The following SLC35D4 variants were observed in gnomAD, a reference collection of about 807,000 sequenced individuals.
SLC35D4 encodes UDP-N-acetylglucosamine transporter SLC35D4.
chr18:23,292,255 C>T, the SLC35D4 span, among the ~76,000 whole-genome samples: 1 of 152,228 alleles, frequency 6.6e-6, no homozygotes, highest in African/African-American at 2.4e-5. Context: ...AATCTTCGAG[C>T]TCCTCACCTA....
At chr18:23,416,042 C>T in the SLC35D4 span, among the ~76,000 whole-genome samples, 1 of 152,068 alleles carries the variant, frequency 6.6e-6, no homozygotes, top group Non-Finnish European at 1.5e-5. Context: ...ACCATATCTC[C>T]ACTAAAAATA....
the SLC35D4 span, among the ~76,000 whole-genome samples, chr18:23,275,605 T>C: frequency 6.0e-5 from 5 of 83,512 alleles, no homozygotes; most frequent in African/African-American, 1.4e-4. Context: ...TGCTGTGCTG[T>C]GCTGTGCTGT....
chr18:23,396,067 G>A, the SLC35D4 span, among the ~76,000 whole-genome samples: 1 of 152,186 alleles, frequency 6.6e-6, no homozygotes, highest in Non-Finnish European at 1.5e-5. Context: ...TGAATGGACA[G>A]CTACAAGAAA....
the SLC35D4 span, among the ~76,000 whole-genome samples, chr18:23,324,595 T>C: frequency 6.6e-6 from 1 of 152,168 alleles, no homozygotes; most frequent in Non-Finnish European, 1.5e-5. Context: ...CACCCCACGC[T>C]GGGTTAGCTA....
At chr18:23,271,540 A>G in the SLC35D4 span, among the ~76,000 whole-genome samples, 10 of 152,212 alleles carry the variant, frequency 6.6e-5, no homozygotes, top group East Asian at 1.5e-3. Context: ...CATGACATAG[A>G]GCTTCTAAAA....
chr18:23,377,752 G>T, the SLC35D4 span: 1 of 1,285,482 alleles, frequency 7.8e-7, no homozygotes, highest in East Asian at 2.8e-5. Context: ...TTGATCAAGA[G>T]GCAAATAAAT....
chr18:23,407,924 C>A, the SLC35D4 span, among the ~76,000 whole-genome samples: 1 of 152,146 alleles, frequency 6.6e-6, no homozygotes, highest in Non-Finnish European at 1.5e-5. Flanking sequence ...ATAAAGTTTT[C>A]ATTTACAGGT....
chr18:23,328,559 A>G, the SLC35D4 span, among the ~76,000 whole-genome samples: 2 of 152,218 alleles, frequency 1.3e-5, no homozygotes, highest in African/African-American at 4.8e-5. Context: ...AAAAGAGGAC[A>G]CAAACAAATG....
the SLC35D4 span, among the ~76,000 whole-genome samples, chr18:23,354,740 AC>A: frequency 2.0e-5 from 3 of 151,922 alleles, no homozygotes; most frequent in Non-Finnish European, 4.4e-5. Flanking sequence ...TTCCATGTTG[AC>A]CTGTCCTCTC....
the SLC35D4 span, among the ~76,000 whole-genome samples, chr18:23,354,267 C>T: frequency 6.9e-6 from 1 of 145,282 alleles, no homozygotes; most frequent in Non-Finnish European, 1.5e-5. Flanking sequence ...TTTGGGAGGC[C>T]GAGGCGGGCG....
the SLC35D4 span, among the ~76,000 whole-genome samples, chr18:23,267,390 G>A: frequency 1.3e-5 from 2 of 152,120 alleles, no homozygotes; most frequent in South Asian, 2.1e-4. Context: ...TCTTCTGAAC[G>A]GGCGCTTCCT....
chr18:23,266,657 G>A, the SLC35D4 span, among the ~76,000 whole-genome samples: 1 of 152,238 alleles, frequency 6.6e-6, no homozygotes, highest in Non-Finnish European at 1.5e-5. Context: ...GACTTCAGGT[G>A]TTTTTCTGCT....
the SLC35D4 span, among the ~76,000 whole-genome samples, chr18:23,315,892 A>G: frequency 6.6e-5 from 10 of 152,230 alleles, no homozygotes; most frequent in Non-Finnish European, 1.5e-4. Context: ...AGAAGGAAGG[A>G]ACATTTTATT....
the SLC35D4 span, among the ~76,000 whole-genome samples, chr18:23,308,876 C>CTGTGTGTGTGTGTGTG: frequency 7.1e-6 from 1 of 139,986 alleles, no homozygotes; most frequent in Non-Finnish European, 1.5e-5. Context: ...CTCTCTCTCT[C>CTGTGTGTGTGTGTGTG]TGTGTGTGTG....
At chr18:23,396,386 C>T in the SLC35D4 span, among the ~76,000 whole-genome samples, 1 of 152,192 alleles carries the variant, frequency 6.6e-6, no homozygotes, top group African/African-American at 2.4e-5. Context: ...CTATCCAACA[C>T]AAACTGTACA....
the SLC35D4 span, among the ~76,000 whole-genome samples, chr18:23,256,125 T>C: frequency 1.3e-5 from 2 of 152,218 alleles, no homozygotes; most frequent in Admixed American, 1.3e-4. Context: ...ATCCCAGTTA[T>C]GATCTGAAAG....
chr18:23,293,037 C>T, the SLC35D4 span, among the ~76,000 whole-genome samples: 2 of 152,038 alleles, frequency 1.3e-5, no homozygotes, highest in South Asian at 2.1e-4. Flanking sequence ...GTCAGGAGTT[C>T]GGGACCAGCC....
the SLC35D4 span, among the ~76,000 whole-genome samples, chr18:23,400,989 G>C: frequency 6.6e-6 from 1 of 152,246 alleles, no homozygotes; most frequent in Non-Finnish European, 1.5e-5. Flanking sequence ...CAGCATCACA[G>C]GTAACATTTA....
At chr18:23,402,951 C>T in the SLC35D4 span, among the ~76,000 whole-genome samples, 2 of 151,956 alleles carry the variant, frequency 1.3e-5, no homozygotes, top group East Asian at 1.9e-4. Flanking sequence ...ACTAAAAATA[C>T]AAAAATTAGC....
Sources: gnomAD v4.1 joint callset for allele counts (sites outside exome capture counted in the v4.1 genomes callset) on GRCh38, gnomAD v4.1.1 for gene constraint, MANE v1.5 for transcripts, NCBI Gene and HGNC (gene_info 2026-07-23, HGNC 2026-07-21) for gene names.